Variants in IMMP2L observed in about 807,000 individuals in gnomAD.
The protein encoded by IMMP2L is inner mitochondrial membrane peptidase subunit 2.
A neutral mutation model predicts 19.3 loss-of-function variants in IMMP2L; 18 were observed. The observed-to-expected ratio is 0.93, with a 90% confidence interval of 0.64 to 1.38. The LOEUF (loss-of-function observed/expected upper bound fraction) is 1.38, where lower values mean the gene tolerates loss of function less well. Ranked by LOEUF, IMMP2L falls within the 40% of genes most tolerant of loss-of-function variation. The pLI, the probability that IMMP2L is intolerant of heterozygous loss-of-function variation, is 0.00. For missense variants in IMMP2L, 233 were observed against 218.2 expected, an observed-to-expected ratio of 1.07 and a Z score of -0.43; for synonymous variants, 76 against 73.0, an observed-to-expected ratio of 1.04 and a Z score of -0.21.
chr7:110,665,069 C>A (rs1393637157), intron 5 of IMMP2L: 2 of 152,130 alleles, frequency 1.3e-5, no homozygotes, highest in African/African-American at 4.8e-5. Flanking sequence ...GAAGAAAAAT[C>A]TTTTAACAAC....
chr7:111,228,498 C>T (rs1813348541), intron 3 of IMMP2L, among the ~76,000 whole-genome samples: 1 of 151,312 alleles, frequency 6.6e-6, no homozygotes, highest in Admixed American at 6.6e-5. Context: ...AGAACCAAGA[C>T]AGCTTCCTGA....
intron 5 of IMMP2L, among the ~76,000 whole-genome samples, chr7:110,790,595 T>A (rs1800397509): frequency 6.6e-6 from 1 of 151,768 alleles, no homozygotes; most frequent in South Asian, 2.1e-4. Context: ...GATAGCTTGG[T>A]TATAAGACAA....
At chr7:110,935,943 T>A (rs187871101) in intron 4 of IMMP2L, among the ~76,000 whole-genome samples, 1 of 152,140 alleles carries the variant, frequency 6.6e-6, no homozygotes, top group South Asian at 2.1e-4. Context: ...AAGCAAGCAA[T>A]GGGGAAAGGA....
intron 3 of IMMP2L, among the ~76,000 whole-genome samples, chr7:111,028,474 ATCT>A (rs1259500797): frequency 2.0e-5 from 3 of 152,170 alleles, no homozygotes; most frequent in Non-Finnish European, 4.4e-5. Context: ...CTTAATAATC[ATCT>A]TCTTTCTAAA....
chr7:110,902,689 C>T (rs1812019110), intron 4 of IMMP2L, among the ~76,000 whole-genome samples: 1 of 38,028 alleles, frequency 2.6e-5, no homozygotes, highest in Non-Finnish European at 4.4e-5. Context: ...CTTTGGGAGG[C>T]CGAGGCGGGC....
At chr7:111,453,451 C>T (rs1839403564) in intron 3 of IMMP2L, among the ~76,000 whole-genome samples, 1 of 152,146 alleles carries the variant, frequency 6.6e-6, no homozygotes, top group African/African-American at 2.4e-5. Flanking sequence ...TTGAGAGACG[C>T]ATTTGTGAAG....
chr7:111,233,990 A>T (rs2129625578), intron 3 of IMMP2L, among the ~76,000 whole-genome samples: 1 of 152,214 alleles, frequency 6.6e-6, no homozygotes, highest in South Asian at 2.1e-4. Context: ...TTTGGAATAT[A>T]CAAAAAGACA....
chr7:110,722,673 C>T (rs749683742), intron 5 of IMMP2L, among the ~76,000 whole-genome samples: 4 of 151,992 alleles, frequency 2.6e-5, no homozygotes, highest in African/African-American at 4.8e-5. Flanking sequence ...AATGTTATTA[C>T]GAGTTTAAAT....
chr7:111,366,130 T>C (rs1449301357), intron 3 of IMMP2L, among the ~76,000 whole-genome samples: 1 of 151,984 alleles, frequency 6.6e-6, no homozygotes, highest in Non-Finnish European at 1.5e-5. Flanking sequence ...TCCCCATGGA[T>C]TGCTCATTAA....
At chr7:111,325,922 G>A (rs534202435) in intron 3 of IMMP2L, among the ~76,000 whole-genome samples, 1 of 151,528 alleles carries the variant, frequency 6.6e-6, no homozygotes, top group Non-Finnish European at 1.5e-5. Flanking sequence ...ATAATGTTCT[G>A]GAATTTTAAT....
intron 5 of IMMP2L, among the ~76,000 whole-genome samples, chr7:110,847,731 G>T (rs934689983): frequency 1.3e-5 from 2 of 152,084 alleles, no homozygotes; most frequent in African/African-American, 2.4e-5. Flanking sequence ...GAACAAACTA[G>T]TGAGCCCAGA....
chr7:110,962,687 C>T, intron 4 of IMMP2L: 2 of 993,100 alleles, frequency 2.0e-6, no homozygotes, highest in Non-Finnish European at 2.4e-6. Flanking sequence ...GCTGTGAGAA[C>T]TGCTAGCCTA....
chr7:111,293,516 A>G (rs1821327337), intron 3 of IMMP2L, among the ~76,000 whole-genome samples: 2 of 151,920 alleles, frequency 1.3e-5, no homozygotes, highest in African/African-American at 2.4e-5. Flanking sequence ...CAAAACTACT[A>G]TAAAAATATA....
chr7:111,462,998 G>A (rs567752303), intron 3 of IMMP2L, among the ~76,000 whole-genome samples: 1 of 152,086 alleles, frequency 6.6e-6, no homozygotes, highest in Non-Finnish European at 1.5e-5. Context: ...ACAACATAAA[G>A]GTATTCTCAC....
At chr7:111,206,267 C>T (rs929640020) in intron 3 of IMMP2L, among the ~76,000 whole-genome samples, 3 of 152,150 alleles carry the variant, frequency 2.0e-5, no homozygotes, top group Non-Finnish European at 4.4e-5. Flanking sequence ...TCCTCTCCAT[C>T]CACCCAGAGG....
At chr7:111,196,528 C>T (rs1490518229) in intron 3 of IMMP2L, among the ~76,000 whole-genome samples, 1 of 152,014 alleles carries the variant, frequency 6.6e-6, no homozygotes, top group Non-Finnish European at 1.5e-5. Flanking sequence ...TAAGAGTCTC[C>T]TATACACTAT....
At chr7:110,927,832 T>G (rs1425182213) in intron 4 of IMMP2L, among the ~76,000 whole-genome samples, 2 of 152,112 alleles carry the variant, frequency 1.3e-5, no homozygotes, top group Non-Finnish European at 2.9e-5. Context: ...TATATACCCT[T>G]GTTTTAAGTC....
intron 3 of IMMP2L, among the ~76,000 whole-genome samples, chr7:111,160,980 A>T (rs1014987626): frequency 3.3e-5 from 5 of 151,724 alleles, no homozygotes; most frequent in African/African-American, 1.2e-4. Context: ...TCTGCCAATA[A>T]GTTGAAAAAA....
intron 3 of IMMP2L, among the ~76,000 whole-genome samples, chr7:111,224,377 T>C (rs60899823): frequency 3.9e-5 from 6 of 152,158 alleles, no homozygotes; most frequent in Non-Finnish European, 1.5e-5. Flanking sequence ...TGTGAGTCTA[T>C]CTGTCACAGG....
Sources: allele counts gnomAD v4.1 joint callset (sites outside exome capture counted in the v4.1 genomes callset), GRCh38; gene constraint gnomAD v4.1.1; transcripts MANE v1.5; gene names NCBI Gene and HGNC (gene_info 2026-07-23, HGNC 2026-07-21).